ARHGEF12: variants seen among roughly 807,000 people sequenced by gnomAD.
ARHGEF12 encodes Rho guanine nucleotide exchange factor 12, also known as KMT2A/ARHGEF12 fusion protein.
Under a neutral mutation model 211.2 loss-of-function variants are expected in ARHGEF12, and 66 were observed. That is an observed-to-expected ratio of 0.31 (90% confidence interval 0.26 to 0.38). ARHGEF12 has a LOEUF of 0.38. Among genes scored for constraint, ARHGEF12 ranks in the 10% least tolerant of loss-of-function variants. The pLI is 1.00. For synonymous variants in ARHGEF12, 592 were observed against 638.4 expected (o/e 0.93, Z 1.09); for missense variants, 1,429 against 1,869.5 (o/e 0.76, Z 4.34).
At position 120,457,139 on chromosome 11, in the gene ARHGEF12, C is replaced by T; in HGVS notation, c.2078C>T (p.Thr693Ile). 1 of 1,613,888 alleles carries T rather than the reference C, an allele frequency of 6.2e-7. No homozygotes were observed. The highest frequency in any genetic ancestry group is 8.5e-7 in the Non-Finnish European group (1 of 1,179,920). ...NDTGSKQVGE[T>I]SAPGDTLDGT... The stretch of plus-strand genomic sequence containing the variant: ...ACAGGATCAAAGCAAGTTGGAGAAA[C>T]ATCAGCACCTGGAGACACCTTAGAT... Residue 693 changes from threonine to isoleucine, a missense_variant, in exon 23 of 41, where the codon ACA becomes ATA. Physicochemically the swap from Thr to Ile is moderately conservative, Grantham distance 89. Around this residue, in one of 7 missense-constraint regions of ARHGEF12, gnomAD observed 373 missense variants for 467.5 expected, o/e 0.80. Coordinates refer to ENST00000397843, the MANE Select transcript of ARHGEF12 (RefSeq NM_015313.3).
chr11:120,484,604 A>G (rs1455370723), intron 40 of ARHGEF12, 97 bp downstream of exon 40: 9 of 1,106,072 alleles, frequency 8.1e-6, no homozygotes, highest in Admixed American at 2.2e-5. Context: ...CTGAGATTCC[A>G]TTTCTCTTCT....
intron 1 of ARHGEF12, among the ~76,000 whole-genome samples, chr11:120,345,583 G>A (rs1033002763): frequency 1.3e-5 from 2 of 151,714 alleles, no homozygotes; most frequent in African/African-American, 4.8e-5. Flanking sequence ...GGTGCCTGTA[G>A]TCCCAGCTGC....
intron 1 of ARHGEF12, among the ~76,000 whole-genome samples, chr11:120,404,352 A>G (rs996459072): frequency 6.6e-6 from 1 of 152,252 alleles, no homozygotes; most frequent in Non-Finnish European, 1.5e-5. Flanking sequence ...ACTTATGCAT[A>G]TAAGCATATA....
chr11:120,486,070 G>A lies in ARHGEF12; in HGVS notation c.*993G>A. ...AATGCTTCGGATAGTGGCAGGGGTG[G>A]GGGTTGCTAAGGAAAGGGTGGGATG... is the stretch of plus-strand genomic sequence containing the variant. On this transcript the variant is annotated 3_prime_UTR_variant, in exon 41 of 41. Coordinates refer to ENST00000397843, the MANE Select transcript of ARHGEF12 (RefSeq NM_015313.3). 1 of 233,554 alleles carries A rather than the reference G, an allele frequency of 4.3e-6. No individual in the cohort carries two copies. Among genetic ancestry groups the A allele is most frequent in the East Asian group, 6.0e-5 (1 of 16,588 alleles). The allele number at this position is 233,554 out of a possible 1,614,324, so 14.5% of individuals were successfully genotyped here.
At chr11:120,431,935 T>C in intron 11 of ARHGEF12, 24 bp downstream of exon 11, 1 of 1,563,510 alleles carries the variant, frequency 6.4e-7, no homozygotes, top group Non-Finnish European at 8.6e-7. Context: ...TTTCTAAATC[T>C]TTTTTCTTCT....
rs547379324 is a variant in ARHGEF12, at chr11:120,385,761, T to C, written c.33-20357T>C. ...GAACAAAGGTTTTTACATCCAGCAT[T>C]GCAAGGATATCTTTATTCAAAAGAA... On this transcript the variant is annotated intron_variant, in intron 1 of 40. Coordinates refer to ENST00000397843, the MANE Select transcript of ARHGEF12 (RefSeq NM_015313.3). Among the ~76,000 whole-genome samples, 7 of 152,354 alleles carry C rather than the reference T, an allele frequency of 4.6e-5. No individual in the cohort carries two copies. In the East Asian group the frequency reaches 1.3e-3, roughly 29 times the overall value.
intron 22 of ARHGEF12, among the ~76,000 whole-genome samples, chr11:120,454,581 G>A (rs977640446): frequency 4.6e-5 from 7 of 152,166 alleles, no homozygotes; most frequent in Admixed American, 3.3e-4. Context: ...GGTGGATGAA[G>A]GACTCCAGAG....
intron 1 of ARHGEF12, among the ~76,000 whole-genome samples, chr11:120,398,337 A>G (rs1944452132): frequency 1.3e-5 from 2 of 152,174 alleles, no homozygotes; most frequent in South Asian, 4.1e-4. Context: ...AGAATTCCTA[A>G]AACACTCATC....
At chr11:120,401,351 G>A (rs1205505240) in intron 1 of ARHGEF12, among the ~76,000 whole-genome samples, 2 of 152,160 alleles carry the variant, frequency 1.3e-5, no homozygotes, top group East Asian at 1.9e-4. Flanking sequence ...CAGTTCAGCT[G>A]GAGTCAGCAC....
At chr11:120,415,870 A>T (rs746102295) in intron 4 of ARHGEF12, among the ~76,000 whole-genome samples, 1 of 152,252 alleles carries the variant, frequency 6.6e-6, no homozygotes, top group Non-Finnish European at 1.5e-5. Context: ...TTTAAAGTAC[A>T]TGTTAAAGTA....
chr11:120,466,779 G>C (rs1946716770), intron 28 of ARHGEF12, among the ~76,000 whole-genome samples: 1 of 152,216 alleles, frequency 6.6e-6, no homozygotes, highest in East Asian at 1.9e-4. Flanking sequence ...GTATAGATGA[G>C]CTGGCATACT....
intron 1 of ARHGEF12, among the ~76,000 whole-genome samples, chr11:120,376,753 C>T (rs1296649964): frequency 2.0e-5 from 3 of 152,082 alleles, no homozygotes; most frequent in Non-Finnish European, 4.4e-5. Context: ...TTCTATCGAA[C>T]TATATTTTTG....
At chr11:120,363,888 G>A (rs148557805) in intron 1 of ARHGEF12, among the ~76,000 whole-genome samples, 31 of 152,282 alleles carry the variant, frequency 2.0e-4, no homozygotes, top group African/African-American at 6.5e-4. Flanking sequence ...TTAGGACAGT[G>A]CTTTGGATGG....
At chr11:120,411,366 A>G (rs1013353399) in intron 4 of ARHGEF12, 1 of 152,116 alleles carries the variant, frequency 6.6e-6, no homozygotes, top group African/African-American at 2.4e-5. Context: ...TACAGTTAGC[A>G]TAGATGAAAA....
chr11:120,408,667 T>G (rs1944788911), intron 3 of ARHGEF12: 1 of 152,034 alleles, frequency 6.6e-6, no homozygotes, highest in South Asian at 2.1e-4. Flanking sequence ...TAATAGAGAA[T>G]AGTATGTTTT....
intron 25 of ARHGEF12, chr11:120,458,438 T>C: frequency 1.9e-6 from 1 of 538,508 alleles, no homozygotes; most frequent in Non-Finnish European, 3.2e-6. Flanking sequence ...AAAAGGAAAA[T>C]GTGTTAAGCC....
chr11:120,371,365 G>A (rs753909373), intron 1 of ARHGEF12, among the ~76,000 whole-genome samples: 1 of 152,210 alleles, frequency 6.6e-6, no homozygotes, highest in Non-Finnish European at 1.5e-5. Flanking sequence ...GCGCATGCCT[G>A]TAATCCCAGC....
intron 1 of ARHGEF12, among the ~76,000 whole-genome samples, chr11:120,362,746 G>A (rs1591501974): frequency 6.6e-6 from 1 of 152,140 alleles, no homozygotes; most frequent in Non-Finnish European, 1.5e-5. Flanking sequence ...AATCATAGCT[G>A]ATATATTTTA....
chr11:120,478,095 T>G lies in ARHGEF12; in HGVS notation c.3533-61T>G, dbSNP rs1947111077. On this transcript the variant is annotated intron_variant, in intron 36 of 40. Coordinates refer to ENST00000397843, the MANE Select transcript of ARHGEF12 (RefSeq NM_015313.3). ...TTTTTCTGATTCTTCCCTGAATGCT[T>G]CATGTTAAAAGTTAAAAGCTTTGTT... The G allele has an allele frequency of 4.3e-6, 5 of 1,156,816 alleles. 1 individual carries two copies. In the African/African-American group the frequency reaches 4.7e-5, roughly 11 times the overall value. 71.7% of individuals were successfully genotyped at this position (1,156,816 alleles called of 1,614,324 possible).
Sources: gnomAD v4.1 joint callset for allele counts (sites outside exome capture counted in the v4.1 genomes callset) on GRCh38, gnomAD v4.1.1 for gene constraint, gnomAD v4.1.1 regional missense constraint, MANE v1.5 for transcripts, NCBI Gene and HGNC (gene_info 2026-07-23, HGNC 2026-07-21) for gene names.